PPM1A: variants seen among roughly 807,000 people sequenced by gnomAD.
The protein encoded by PPM1A is protein phosphatase 1A.
Under a neutral mutation model 35.0 loss-of-function variants are expected in PPM1A, and 7 were observed. The observed-to-expected ratio is 0.20, with a 90% CI of 0.11 to 0.38. PPM1A has a LOEUF of 0.38. Ranked by LOEUF, PPM1A falls within the 10% of genes least tolerant of loss-of-function variation. The probability of loss-of-function intolerance (pLI) is 1.00; values close to 1 mark genes in which losing one functional copy is unlikely to be tolerated. For synonymous variants in PPM1A, 153 were observed against 167.3 expected, an observed-to-expected ratio of 0.91 and a Z score of 0.66; for missense variants, 239 against 467.8, an observed-to-expected ratio of 0.51 and a Z score of 4.51.
rs1888076951 is a variant in PPM1A at position 60,296,545 on chromosome 14, C to T, written c.*4063C>T. The T allele has an allele frequency of 3.2e-6, 1 of 310,808 alleles. No individual in the cohort carries two copies. The highest frequency in any genetic ancestry group is 1.6e-4 in the South Asian group (1 of 6,226). The allele number at this position is 310,808 out of a possible 1,614,324, so 19.3% of individuals were successfully genotyped here. On this transcript the variant is annotated 3_prime_UTR_variant, in exon 6 of 6. Coordinates refer to ENST00000395076, the MANE Select transcript of PPM1A (RefSeq NM_021003.5). The surrounding 1 kb of genome is among the most constrained non-coding windows in gnomAD (Gnocchi z 4.4). ...GGTGAGATTACCATTTTTTGAGTATCTAGTCTTCTAGTTTTTCTTTTAGGC... is the reference window on the plus strand; with the variant it reads ...GGTGAGATTACCATTTTTTGAGTATTTAGTCTTCTAGTTTTTCTTTTAGGC...
intron 1 of PPM1A, among the ~76,000 whole-genome samples, chr14:60,260,413 A>T (rs1883613397): frequency 1.3e-5 from 2 of 152,150 alleles, no homozygotes. Flanking sequence ...AAAAAAATTT[A>T]CTATAGCATG....
chr14:60,280,357 C>G (rs1440436629), intron 1 of PPM1A, among the ~76,000 whole-genome samples: 2 of 152,154 alleles, frequency 1.3e-5, no homozygotes, highest in Non-Finnish European at 2.9e-5. Flanking sequence ...CGGAAAGGTT[C>G]AGTAGTCACA....
rs1887617890 is a variant in PPM1A, at chr14:60,291,384, T to G, written c.1062-13T>G. On this transcript the variant is annotated splice_polypyrimidine_tract_variant and intron_variant, in intron 4 of 5. Coordinates refer to ENST00000395076, the MANE Select transcript of PPM1A (RefSeq NM_021003.5). ...TTCTGAAGAATTAATTTTCTGCATT[T>G]TTTTACACTTAGGAGGAATGTTATT... 2 of 1,531,318 alleles carry G rather than the reference T, an allele frequency of 1.3e-6. No homozygotes were observed. The highest frequency in any genetic ancestry group is 1.8e-6 in the Non-Finnish European group (2 of 1,131,248). 94.9% of individuals were successfully genotyped at this position (1,531,318 alleles called of 1,614,324 possible).
intron 3 of PPM1A, chr14:60,285,965 G>A (rs1886961782): frequency 1.7e-6 from 2 of 1,194,786 alleles, no homozygotes; most frequent in South Asian, 7.2e-5. Flanking sequence ...CCCACATTCT[G>A]TTCAGGATAC....
chr14:60,245,822 T>C (rs1312384775), upstream of PPM1A: 1 of 1,549,642 alleles, frequency 6.5e-7, no homozygotes, highest in Non-Finnish European at 8.7e-7. The surrounding 1 kb of genome is among the most constrained non-coding windows in gnomAD (Gnocchi z 4.2). Flanking sequence ...CTGAATGAAA[T>C]TCATTTAGGG....
At chr14:60,248,271 G>A (rs935386882), upstream of PPM1A, among the ~76,000 whole-genome samples, 1 of 152,226 alleles carries the variant, frequency 6.6e-6, no homozygotes, top group Non-Finnish European at 1.5e-5. Context: ...AATAGAAGCA[G>A]CTGTTATGTT....
chr14:60,265,006 G>C (rs1884205218), intron 1 of PPM1A, among the ~76,000 whole-genome samples: 1 of 151,986 alleles, frequency 6.6e-6, no homozygotes, highest in Non-Finnish European at 1.5e-5. Context: ...TTCTTTGTGT[G>C]TTTTGAGTTT....
Position 60,297,690 on chromosome 14 carries a change from A to T in PPM1A, c.*5208A>T, listed in dbSNP as rs1030444791. ...AAAGTAAGTTAGATTGATGTAAGAG[A>T]TCGGGTAGCTGCGGAACAAAATTAG... On this transcript the variant is annotated 3_prime_UTR_variant, in exon 6 of 6. Transcript: ENST00000395076. The T allele has an allele frequency of 1.3e-5, 2 of 151,712 alleles. No homozygotes were observed. Among genetic ancestry groups the T allele is most frequent in the African/African-American group, 4.8e-5 (2 of 41,384 alleles). The allele number at this position is 151,712 out of a possible 1,614,324, so 9.4% of individuals were successfully genotyped here. A position where few individuals can be genotyped will look rare whatever the true frequency, so the allele number is the denominator to read the frequency against.
chr14:60,276,614 T>C (rs1397186977), intron 1 of PPM1A, among the ~76,000 whole-genome samples: 1 of 152,212 alleles, frequency 6.6e-6, no homozygotes, highest in African/African-American at 2.4e-5. Flanking sequence ...GGGCGTTCCC[T>C]ATTAGGTTAA....
At chr14:60,285,420 C>G (rs1457551562) in intron 2 of PPM1A, among the ~76,000 whole-genome samples, 1 of 152,148 alleles carries the variant, frequency 6.6e-6, no homozygotes, top group Non-Finnish European at 1.5e-5. Context: ...ATTGGTTATA[C>G]TGTATTCTCT....
chr14:60,267,505 G>T (rs1329791425), intron 1 of PPM1A, among the ~76,000 whole-genome samples: 1 of 151,884 alleles, frequency 6.6e-6, no homozygotes, highest in African/African-American at 2.4e-5. Context: ...AGTATGTTTG[G>T]ACTATAGTTT....
At chr14:60,259,696 T>C (rs1006910056) in intron 1 of PPM1A, among the ~76,000 whole-genome samples, 1 of 152,072 alleles carries the variant, frequency 6.6e-6, no homozygotes, top group African/African-American at 2.4e-5. Context: ...TAAAAGATTA[T>C]TAGAAAACTT....
chr14:60,245,779 A>G, upstream of PPM1A: 1 of 1,386,812 alleles, frequency 7.2e-7, no homozygotes, highest in East Asian at 2.5e-5. The surrounding 1 kb of genome is among the most constrained non-coding windows in gnomAD (Gnocchi z 4.2). Context: ...GGGAGGGAGG[A>G]AGGAGGGCCA....
intron 1 of PPM1A, among the ~76,000 whole-genome samples, chr14:60,281,221 TC>T (rs1459236030): frequency 6.6e-6 from 1 of 152,168 alleles, no homozygotes; most frequent in African/African-American, 2.4e-5. Context: ...AGAAAAATAA[TC>T]TGATAAATAT....
intron 1 of PPM1A, among the ~76,000 whole-genome samples, chr14:60,253,863 A>G (rs1012684715): frequency 2.6e-5 from 4 of 152,198 alleles, no homozygotes; most frequent in African/African-American, 9.6e-5. Flanking sequence ...CGTGGTGGAC[A>G]TGGTGATAAA....
Position 60,292,544 on chromosome 14 carries a change from T to G in PPM1A, c.*62T>G. The G allele has an allele frequency of 1.4e-5, 20 of 1,443,332 alleles. No homozygotes were observed. The highest frequency in any genetic ancestry group is 1.8e-5 in the Non-Finnish European group (19 of 1,035,502). The allele number at this position is 1,443,332 out of a possible 1,614,324, so 89.4% of individuals were successfully genotyped here. On this transcript the variant is annotated 3_prime_UTR_variant, in exon 6 of 6. Coordinates refer to ENST00000395076, the MANE Select transcript of PPM1A (RefSeq NM_021003.5). The surrounding 1 kb of genome is among the most constrained non-coding windows in gnomAD (Gnocchi z 4.2). ...CAAAGGAGAGTACAGCTCAACTTTG[T>G]TGAAACTTTTAACATCCATCCTCAA...
At chr14:60,259,097 G>A (rs529979115) in intron 1 of PPM1A, among the ~76,000 whole-genome samples, 4 of 152,002 alleles carry the variant, frequency 2.6e-5, no homozygotes, top group African/African-American at 7.2e-5. Flanking sequence ...ACTTGAAAAG[G>A]TTTTTTTCTC....
intron 2 of PPM1A, among the ~76,000 whole-genome samples, chr14:60,284,283 T>C (rs1413758325): frequency 6.6e-6 from 1 of 152,206 alleles, no homozygotes; most frequent in African/African-American, 2.4e-5. Context: ...CTATTAGTTT[T>C]GTACTCTACA....
intron 3 of PPM1A, chr14:60,286,863 A>G (rs749999614): frequency 1.4e-4 from 137 of 982,416 alleles, no homozygotes; most frequent in Non-Finnish European, 1.5e-4. Flanking sequence ...TGGACGTACT[A>G]TTCAACGAAT....
Sources: allele counts gnomAD v4.1 joint callset (sites outside exome capture counted in the v4.1 genomes callset), GRCh38; gene constraint gnomAD v4.1.1; non-coding constraint Gnocchi (gnomAD v3.1); transcripts MANE v1.5; gene names NCBI Gene and HGNC (gene_info 2026-07-23, HGNC 2026-07-21).